The following DCAF6 variants were observed in gnomAD, a reference collection of about 807,000 sequenced individuals.
The protein encoded by DCAF6 is DDB1- and CUL4-associated factor 6.
Under a neutral mutation model 125.1 loss-of-function variants are expected in DCAF6, and 54 were observed. The ratio of observed to expected loss-of-function variants is 0.43; its 90% confidence interval spans 0.35 to 0.54. DCAF6 has a LOEUF of 0.54. DCAF6 is among the 20% of genes least tolerant of loss of function. The probability of loss-of-function intolerance (pLI) is 0.01; values close to 1 mark genes in which losing one functional copy is unlikely to be tolerated. For synonymous variants in DCAF6, 371 were observed against 390.4 expected (o/e 0.95, Z 0.58); for missense variants, 934 against 1,161.7 (o/e 0.80, Z 2.85).
chr1:168,030,077 G>A (rs769571652), intron 12 of DCAF6, among the ~76,000 whole-genome samples: 4 of 152,094 alleles, frequency 2.6e-5, no homozygotes, highest in Non-Finnish European at 4.4e-5. Flanking sequence ...TCTGGCATCC[G>A]TGATCATAAC....
At chr1:167,891,043 C>A in the DCAF6 span, among the ~76,000 whole-genome samples, 2 of 152,086 alleles carry the variant, frequency 1.3e-5, no homozygotes, top group African/African-American at 4.8e-5. Flanking sequence ...CTCACTGCAA[C>A]CTCCGCCTCC....
the DCAF6 span, among the ~76,000 whole-genome samples, chr1:167,865,479 G>A: frequency 6.6e-6 from 1 of 152,046 alleles, no homozygotes; most frequent in African/African-American, 2.4e-5. Flanking sequence ...ATGAAAAATT[G>A]GATAAATATG....
At chr1:168,066,530 A>G in intron 20 of DCAF6, 65 bp downstream of exon 20, 2 of 1,158,886 alleles carry the variant, frequency 1.7e-6, no homozygotes, top group Non-Finnish European at 2.5e-6. Flanking sequence ...CTTCCCTAAG[A>G]AAAATTAAAA....
chr1:167,962,694 C>T (rs1178596753), intron 2 of DCAF6, among the ~76,000 whole-genome samples: 3 of 151,884 alleles, frequency 2.0e-5, no homozygotes, highest in Non-Finnish European at 4.4e-5. Flanking sequence ...GGTGGCTCAC[C>T]CCTGTAATCC....
intron 1 of DCAF6, among the ~76,000 whole-genome samples, chr1:167,948,991 C>A (rs1673512827): frequency 1.3e-5 from 2 of 152,178 alleles, no homozygotes; most frequent in Admixed American, 6.5e-5. Context: ...GATTCCAGAA[C>A]AGAATGAATA....
At chr1:167,982,351 C>T (rs758064450) in intron 4 of DCAF6, among the ~76,000 whole-genome samples, 3 of 152,100 alleles carry the variant, frequency 2.0e-5, no homozygotes, top group Non-Finnish European at 4.4e-5. Context: ...AAGCGATTCT[C>T]CTGCCTCAGC....
intron 11 of DCAF6, among the ~76,000 whole-genome samples, chr1:168,018,297 G>T (rs964649690): frequency 1.3e-4 from 20 of 152,270 alleles, no homozygotes; most frequent in Admixed American, 2.0e-4. Flanking sequence ...GGCACCAAAT[G>T]ATATCACCTT....
chr1:167,875,711 G>A, the DCAF6 span, among the ~76,000 whole-genome samples: 1 of 152,322 alleles, frequency 6.6e-6, no homozygotes, highest in African/African-American at 2.4e-5. Flanking sequence ...AGCCCTTTGG[G>A]AGGCCGAGGT....
intron 10 of DCAF6, among the ~76,000 whole-genome samples, chr1:168,014,889 T>C (rs1684753202): frequency 6.6e-6 from 1 of 152,196 alleles, no homozygotes; most frequent in South Asian, 2.1e-4. Context: ...AGTTGCCATA[T>C]ATAAAATAAC....
chr1:168,075,594 G>A lies in DCAF6; in HGVS notation c.*159G>A, dbSNP rs750492982. 1.2e-5 allele frequency: 7 copies of A among 592,438 alleles called. No homozygotes were observed. Among genetic ancestry groups the A allele is most frequent in the Middle Eastern group, 4.5e-4 (1 of 2,204 alleles). The allele number at this position is 592,438 out of a possible 1,614,324, so 36.7% of individuals were successfully genotyped here. On this transcript the variant is annotated 3_prime_UTR_variant, in exon 22 of 22. Transcript: ENST00000367840. ...TAACATTGGTTTGGAATGATTGTGT[G>A]CATGAATTTGGGAGATTGTATAAAA...
intron 15 of DCAF6, 45 bp downstream of exon 15, chr1:168,044,716 A>G: frequency 6.5e-7 from 1 of 1,528,998 alleles, no homozygotes; most frequent in South Asian, 1.1e-5. Flanking sequence ...GGAAAATAAA[A>G]AGCCTTAATC....
chr1:167,943,154 C>T (rs1207976087), intron 1 of DCAF6, among the ~76,000 whole-genome samples: 1 of 152,140 alleles, frequency 6.6e-6, no homozygotes, highest in Admixed American at 6.5e-5. Context: ...TGTGATCTGC[C>T]CGCCTTGGCC....
At chr1:167,970,977 G>A (rs1041599855) in intron 3 of DCAF6, among the ~76,000 whole-genome samples, 10 of 152,112 alleles carry the variant, frequency 6.6e-5, no homozygotes, top group Non-Finnish European at 1.0e-4. Flanking sequence ...CCCAGAGATG[G>A]TCTTGCAATA....
Position 168,066,482 on chromosome 1 carries a change from A to G in DCAF6, c.2685+17A>G. On this transcript the variant is annotated intron_variant, in intron 20 of 21. Coordinates refer to ENST00000367840, the MANE Select transcript of DCAF6 (RefSeq NM_001198956.2). ...GCTGATGAAGTAAGATTTTTATTGTACTTACTATAGACCATATTTCAATTT... is the reference window on the plus strand; with the variant it reads ...GCTGATGAAGTAAGATTTTTATTGTGCTTACTATAGACCATATTTCAATTT... 1 of 1,496,058 alleles carries G rather than the reference A, an allele frequency of 6.7e-7. No individual in the cohort carries two copies. The highest frequency in any genetic ancestry group is 9.3e-7 in the Non-Finnish European group (1 of 1,077,320). 92.7% of individuals were successfully genotyped at this position (1,496,058 alleles called of 1,614,324 possible). A position where few individuals can be genotyped will look rare whatever the true frequency, so the allele number is the denominator to read the frequency against.
chr1:167,913,585 T>A, the DCAF6 span, among the ~76,000 whole-genome samples: 1 of 152,250 alleles, frequency 6.6e-6, no homozygotes, highest in African/African-American at 2.4e-5. Context: ...TTTGTCTTCA[T>A]CTGAATTGTA....
At chr1:168,039,709 TA>T (rs1322251983) in intron 13 of DCAF6, among the ~76,000 whole-genome samples, 1 of 148,074 alleles carries the variant, frequency 6.8e-6, no homozygotes, top group Non-Finnish European at 1.5e-5. Context: ...AATTGTATAT[TA>T]ATATATGATC....
At chr1:167,928,283 G>A in the DCAF6 span, among the ~76,000 whole-genome samples, 2 of 150,250 alleles carry the variant, frequency 1.3e-5, no homozygotes, top group South Asian at 4.2e-4. Context: ...GGGAGGTGGA[G>A]CTTGCAGTGA....
At chr1:168,001,959 A>G (rs1682700757) in intron 7 of DCAF6, among the ~76,000 whole-genome samples, 1 of 152,176 alleles carries the variant, frequency 6.6e-6, no homozygotes. Flanking sequence ...GAATGAGGGC[A>G]GCAGGATGGA....
At chr1:167,868,724 G>A in the DCAF6 span, among the ~76,000 whole-genome samples, 52 of 152,274 alleles carry the variant, frequency 3.4e-4, no homozygotes, top group East Asian at 9.3e-3. Context: ...TGCTTTCCGC[G>A]AAAAGCGAAA....
Sources: allele counts gnomAD v4.1 joint callset (sites outside exome capture counted in the v4.1 genomes callset), GRCh38; gene constraint gnomAD v4.1.1; transcripts MANE v1.5; gene names NCBI Gene and HGNC (gene_info 2026-07-23, HGNC 2026-07-21).